Variants in ABHD13 observed in about 807,000 individuals in gnomAD.
The protein encoded by ABHD13 is abhydrolase domain containing 13.
In ABHD13, 7 loss-of-function variants were observed where a neutral mutation model predicts 25.2. That is an observed-to-expected ratio of 0.28 (90% CI 0.16 to 0.52). The LOEUF (loss-of-function observed/expected upper bound fraction) is 0.52, where lower values mean the gene tolerates loss of function less well. Among genes scored for constraint, ABHD13 ranks in the 20% least tolerant of loss-of-function variants. The pLI is 0.96. For missense variants in ABHD13, 302 were observed against 402.7 expected, an observed-to-expected ratio of 0.75 and a Z score of 2.14; for synonymous variants, 133 against 136.1, an observed-to-expected ratio of 0.98 and a Z score of 0.16.
At chr13:108,224,241 C>T (rs141893564) in intron 1 of ABHD13, among the ~76,000 whole-genome samples, 2 of 152,266 alleles carry the variant, frequency 1.3e-5, no homozygotes, top group African/African-American at 4.8e-5. Flanking sequence ...ATCTGTCTCC[C>T]GAGTACCTCA....
At position 108,232,396 on chromosome 13, in the gene ABHD13, A is replaced by C. The variant is rs771179684; in HGVS notation, c.*2164A>C. On this transcript the variant is annotated 3_prime_UTR_variant, in exon 2 of 2. Coordinates refer to ENST00000375898, the MANE Select transcript of ABHD13 (RefSeq NM_032859.3). ...AAGGGCAGAGGCTGTGCCTAGGGCT[A>C]TACCACCACTAGCATCTGTATTTGA... 1 of 166,962 alleles carries C rather than the reference A, an allele frequency of 6.0e-6. No homozygotes were observed. The allele number at this position is 166,962 out of a possible 1,614,324, so 10.3% of individuals were successfully genotyped here. A position where few individuals can be genotyped will look rare whatever the true frequency, so the allele number is the denominator to read the frequency against.
In ABHD13 at chr13:108,218,953, C is replaced by T. The variant is rs1286950033; in HGVS notation, c.-21+294C>T. Among the ~76,000 whole-genome samples, 5 of 152,102 alleles carry T rather than the reference C, an allele frequency of 3.3e-5. No homozygotes were observed. The East Asian group carries it at 7.8e-4, about 24-fold the overall frequency. On this transcript the variant is annotated intron_variant, in intron 1 of 1. Coordinates refer to ENST00000375898, the MANE Select transcript of ABHD13 (RefSeq NM_032859.3). ...TACCTGTTTTGGAAACTAAGGTGCG[C>T]GCATTGCCAGAGGCTCGCCGGGTGT...
chr13:108,233,912 T>C lies in ABHD13; in HGVS notation c.*3680T>C, dbSNP rs1041086674. On this transcript the variant is annotated 3_prime_UTR_variant, in exon 2 of 2. Coordinates refer to ENST00000375898, the MANE Select transcript of ABHD13 (RefSeq NM_032859.3). The stretch of plus-strand genomic sequence containing the variant: ...TTACAAAAAGTGCCGTATATACATA[T>C]GTAACAGGTGAGTGTGTGTTTAACA... The C allele has an allele frequency of 3.0e-5, 5 of 166,856 alleles. No homozygotes were observed. Among genetic ancestry groups the C allele is most frequent in the Admixed American group, 1.3e-4 (2 of 15,250 alleles). The allele number at this position is 166,856 out of a possible 1,614,324, so 10.3% of individuals were successfully genotyped here.
Position 108,230,352 on chromosome 13 carries a change from C to T in ABHD13, c.*120C>T. The T allele has an allele frequency of 1.3e-6, 1 of 793,812 alleles. No individual in the cohort carries two copies. Among genetic ancestry groups the T allele is most frequent in the Admixed American group, 3.3e-5 (1 of 30,330 alleles). 49.2% of individuals were successfully genotyped at this position (793,812 alleles called of 1,614,324 possible). ...AGAGTGACATTAAACTTTGAAAGGACTTCACTGCTCCTTTACGATATTCCA... is the reference window on the plus strand; with the variant it reads ...AGAGTGACATTAAACTTTGAAAGGATTTCACTGCTCCTTTACGATATTCCA... On this transcript the variant is annotated 3_prime_UTR_variant, in exon 2 of 2. Coordinates refer to ENST00000375898, the MANE Select transcript of ABHD13 (RefSeq NM_032859.3).
At chr13:108,227,701 CATT>C (rs897894293) in intron 1 of ABHD13, among the ~76,000 whole-genome samples, 9 of 151,958 alleles carry the variant, frequency 5.9e-5, no homozygotes, top group African/African-American at 9.7e-5. Flanking sequence ...TGAATGATCT[CATT>C]ATTAATCTTA....
rs55665720 is a variant in ABHD13 at position 108,232,808 on chromosome 13, A to G, written c.*2576A>G. The G allele has an allele frequency of 0.14, 24,011 of 166,856 alleles. 2,069 individuals carry two copies. The highest frequency in any genetic ancestry group is 0.18 in the Non-Finnish European group (12,418 of 67,958). The allele number at this position is 166,856 out of a possible 1,614,324, so 10.3% of individuals were successfully genotyped here. Reference sequence around the variant, plus strand: ...ATGATTGGGGGGAAAAACTGGTGAAAAAGAAATATAAAAAGGACCCTAAAA... The same window carrying G: ...ATGATTGGGGGGAAAAACTGGTGAAGAAGAAATATAAAAAGGACCCTAAAA... On this transcript the variant is annotated 3_prime_UTR_variant, in exon 2 of 2. Transcript: ENST00000375898.
At chr13:108,218,724 G>T (rs1295156169) in intron 1 of ABHD13, 65 bp downstream of exon 1, 2 of 151,526 alleles carry the variant, frequency 1.3e-5, no homozygotes, top group African/African-American at 4.8e-5. Context: ...TTCTAGGAGG[G>T]TCGCGGGGAG....
chr13:108,220,136 G>T (rs1471783016), intron 1 of ABHD13, among the ~76,000 whole-genome samples: 3 of 152,184 alleles, frequency 2.0e-5, no homozygotes, highest in Admixed American at 6.5e-5. Flanking sequence ...GGCTAAGTGA[G>T]TTGGCAAAAG....
At position 108,233,463 on chromosome 13, in the gene ABHD13, G is replaced by A. The variant is rs1879852394; in HGVS notation, c.*3231G>A. 6.0e-6 allele frequency: 1 copy of A among 166,596 alleles called. No homozygotes were observed. The allele number at this position is 166,596 out of a possible 1,614,324, so 10.3% of individuals were successfully genotyped here. A position where few individuals can be genotyped will look rare whatever the true frequency, so the allele number is the denominator to read the frequency against. ...AGAAGTCACTTTTTAATTAAGTCAT[G>A]ATTGAGATACTGAACTCTTCCACTC... On this transcript the variant is annotated 3_prime_UTR_variant, in exon 2 of 2. Coordinates refer to ENST00000375898, the MANE Select transcript of ABHD13 (RefSeq NM_032859.3).
chr13:108,227,283 TTGAA>T (rs1879694684), intron 1 of ABHD13, among the ~76,000 whole-genome samples: 4 of 152,102 alleles, frequency 2.6e-5, no homozygotes. Flanking sequence ...TTAAAATAAA[TTGAA>T]TAATTCGTAT....
chr13:108,227,205 C>A (rs558470129), intron 1 of ABHD13, among the ~76,000 whole-genome samples: 3 of 152,012 alleles, frequency 2.0e-5, no homozygotes, highest in African/African-American at 4.8e-5. Context: ...AGTAATAGAC[C>A]CAAACAAATA....
At chr13:108,218,823 C>T (rs955331696) in intron 1 of ABHD13, among the ~76,000 whole-genome samples, 164 bp downstream of exon 1, 2 of 151,752 alleles carry the variant, frequency 1.3e-5, no homozygotes, top group Non-Finnish European at 1.5e-5. Flanking sequence ...GGGGGTCGTG[C>T]GGGGGCCGAG....
intron 1 of ABHD13, among the ~76,000 whole-genome samples, chr13:108,224,288 A>G (rs1444281179): frequency 2.6e-5 from 4 of 152,200 alleles, no homozygotes; most frequent in African/African-American, 9.7e-5. Context: ...ATCACAAGCT[A>G]CTTGAGAGCA....
chr13:108,219,561 A>G (rs1300338023), intron 1 of ABHD13, among the ~76,000 whole-genome samples: 4 of 152,154 alleles, frequency 2.6e-5, no homozygotes, highest in Non-Finnish European at 1.5e-5. Context: ...AGATTTCTTG[A>G]TTGCCGATTT....
chr13:108,221,331 G>T (rs1879563230), intron 1 of ABHD13, among the ~76,000 whole-genome samples: 1 of 152,186 alleles, frequency 6.6e-6, no homozygotes, highest in South Asian at 2.1e-4. Context: ...CATTTCAGCT[G>T]TGCAGCTGGC....
chr13:108,221,711 C>G (rs1428578807), intron 1 of ABHD13, among the ~76,000 whole-genome samples: 2 of 152,080 alleles, frequency 1.3e-5, no homozygotes, highest in African/African-American at 4.8e-5. Context: ...AATTGTTTAG[C>G]CTTTTGCCAA....
chr13:108,229,670 G>A lies in ABHD13; in HGVS notation c.452G>A (p.Arg151Gln), dbSNP rs1566381694. 1 of 1,613,122 alleles carries A rather than the reference G, an allele frequency of 6.2e-7. No individual in the cohort carries two copies. The highest frequency in any genetic ancestry group is 8.5e-7 in the Non-Finnish European group (1 of 1,179,540). ...GTTAACCTTTTGCTGGTTGATTATC[G>A]AGGATATGGAAAAAGTGAAGGAGAA... is the stretch of plus-strand genomic sequence containing the variant. Reference protein sequence around the residue: ...LKVNLLLVDYRGYGKSEGEAS... With the variant: ...LKVNLLLVDYQGYGKSEGEAS... Residue 151 changes from arginine (R) to glutamine (Q), a missense_variant, in exon 2 of 2, where the codon CGA (arginine) becomes CAA (glutamine). By Grantham distance (43) the Arg-to-Gln change is conservative (BLOSUM62 1). Transcript: ENST00000375898. The surrounding 1 kb of genome is among the most constrained non-coding windows in gnomAD (Gnocchi z 4.7).
intron 1 of ABHD13, among the ~76,000 whole-genome samples, chr13:108,227,267 CT>C (rs1318859945): frequency 6.6e-5 from 10 of 151,564 alleles, no homozygotes; most frequent in Admixed American, 2.0e-4. Flanking sequence ...GCTCAGAATA[CT>C]TTTTTTAAAA....
chr13:108,220,715 A>C (rs1879549670), intron 1 of ABHD13, among the ~76,000 whole-genome samples: 1 of 152,330 alleles, frequency 6.6e-6, no homozygotes, highest in South Asian at 2.1e-4. Flanking sequence ...TACAGGGACT[A>C]CATGCATTTA....
Sources: gnomAD v4.1 joint callset for allele counts (sites outside exome capture counted in the v4.1 genomes callset) on GRCh38, gnomAD v4.1.1 for gene constraint, Gnocchi (gnomAD v3.1) non-coding constraint, MANE v1.5 for transcripts, NCBI Gene and HGNC (gene_info 2026-07-23, HGNC 2026-07-21) for gene names.